CR1: variants seen among roughly 807,000 people sequenced by gnomAD.
CR1 encodes complement C3b/C4b receptor 1 (Knops blood group), also known as complement receptor type 1.
A neutral mutation model predicts 187.3 loss-of-function variants in CR1; 116 were observed. That is an observed-to-expected ratio of 0.62 (90% CI 0.53 to 0.72). The LOEUF (loss-of-function observed/expected upper bound fraction) is 0.72. Ranked by LOEUF, CR1 falls within the 30% of genes least tolerant of loss-of-function variation. CR1 has a pLI of 0.00. For missense variants in CR1, 1,731 were observed against 2,110.7 expected, an observed-to-expected ratio of 0.82 and a Z score of 3.52; for synonymous variants, 576 against 747.1, an observed-to-expected ratio of 0.77 and a Z score of 3.73.
At chr1:207,578,456 C>A (rs1416871708) in intron 29 of CR1, among the ~76,000 whole-genome samples, 1 of 152,184 alleles carries the variant, frequency 6.6e-6, no homozygotes. Flanking sequence ...ATTCTCAGGG[C>A]AAAGTACCAG....
At chr1:207,624,888 A>T (rs1007429988) in intron 45 of CR1, among the ~76,000 whole-genome samples, 1 of 152,170 alleles carries the variant, frequency 6.6e-6, no homozygotes. Flanking sequence ...TATCTATATC[A>T]GTCTCTAGTT....
chr1:207,618,870 G>A (rs1290690229), intron 42 of CR1, among the ~76,000 whole-genome samples: 4 of 150,748 alleles, frequency 2.7e-5, no homozygotes, highest in Non-Finnish European at 4.4e-5. Flanking sequence ...GTGAAACCCC[G>A]TTTCTACTAA....
chr1:207,576,645 A>C (rs1660754713), intron 28 of CR1, among the ~76,000 whole-genome samples: 1 of 151,688 alleles, frequency 6.6e-6, no homozygotes, highest in Non-Finnish European at 1.5e-5. Context: ...TGGTGAAATC[A>C]TGTCTCTACA....
intron 44 of CR1, among the ~76,000 whole-genome samples, chr1:207,622,541 A>G (rs529023657): frequency 1.3e-5 from 2 of 152,258 alleles, no homozygotes; most frequent in South Asian, 4.1e-4. Flanking sequence ...GTCCAAGACC[A>G]CAGAATGGGG....
chr1:207,567,811 G>A lies in CR1; in HGVS notation c.3953-13G>A, dbSNP rs564723543. Reference sequence around the variant, plus strand: ...CTCCTGAATGAAACTTAGAGCTTTTGTATGTTTTCTAGAAATCTTTTGTCC... The same window carrying A: ...CTCCTGAATGAAACTTAGAGCTTTTATATGTTTTCTAGAAATCTTTTGTCC... On this transcript the variant is annotated splice_polypyrimidine_tract_variant and intron_variant, in intron 24 of 46. Transcript: ENST00000367049. 6.2e-7 allele frequency: 1 copy of A among 1,610,920 alleles called. No individual in the cohort carries two copies. The highest frequency in any genetic ancestry group is 8.5e-7 in the Non-Finnish European group (1 of 1,179,636).
intron 40 of CR1, 66 bp downstream of exon 40, chr1:207,614,555 G>T (rs55812169): frequency 2.4e-6 from 3 of 1,257,332 alleles, no homozygotes; most frequent in East Asian, 5.0e-5. Context: ...ATGTTTTTCC[G>T]CATGGCATCA....
intron 33 of CR1, among the ~76,000 whole-genome samples, chr1:207,585,896 G>A (rs1364019460): frequency 6.6e-6 from 1 of 152,130 alleles, no homozygotes; most frequent in East Asian, 1.9e-4. Flanking sequence ...CCAGCACTTT[G>A]GAGGCCGAGG....
chr1:207,565,576 G>C (rs566644555), intron 23 of CR1, among the ~76,000 whole-genome samples: 1 of 150,232 alleles, frequency 6.7e-6, no homozygotes, highest in East Asian at 1.9e-4. Flanking sequence ...CTGGGTCCTG[G>C]GTCAAGGGGA....
At chr1:207,611,617 G>T in intron 37 of CR1, 60 bp from the exon 38 acceptor site, 1 of 1,597,920 alleles carries the variant, frequency 6.3e-7, no homozygotes. Context: ...GTAAGCATAA[G>T]ATATAACAAA....
intron 4 of CR1, among the ~76,000 whole-genome samples, chr1:207,520,986 T>C (rs1659973590): frequency 6.9e-6 from 1 of 145,060 alleles, no homozygotes; most frequent in Admixed American, 6.9e-5. Context: ...TTTTTTTTTT[T>C]TTTTTTTGAC....
intron 46 of CR1, among the ~76,000 whole-genome samples, chr1:207,637,941 A>G (rs913052215): frequency 1.3e-5 from 2 of 152,118 alleles, no homozygotes; most frequent in Admixed American, 1.3e-4. Context: ...CCCATGTCTT[A>G]TTTTTATTAT....
chr1:207,565,432 T>G (rs1660464371), intron 23 of CR1, among the ~76,000 whole-genome samples: 1 of 150,148 alleles, frequency 6.7e-6, no homozygotes, highest in Admixed American at 6.6e-5. Context: ...ACTTTTCCAC[T>G]CCAAACTGGG....
chr1:207,592,900 A>G (rs1321568426), intron 35 of CR1, among the ~76,000 whole-genome samples: 1 of 152,092 alleles, frequency 6.6e-6, no homozygotes, highest in African/African-American at 2.4e-5. Context: ...AGTGAAGGAC[A>G]TCTTCAAGGA....
chr1:207,579,626 C>T (rs1167844778), intron 29 of CR1, among the ~76,000 whole-genome samples: 2 of 152,220 alleles, frequency 1.3e-5, no homozygotes, highest in African/African-American at 4.8e-5. Context: ...TAACTCGCCC[C>T]TCAATCTGCA....
At position 207,618,121 on chromosome 1, in the gene CR1, G is replaced by T; in HGVS notation, c.6940G>T (p.Val2314Leu). The change falls in exon 42 of 47, where the codon GTA becomes TTA. Residue 2314 changes from valine to leucine, a missense_variant. This residue lies in a region of CR1 where 1,312 missense variants were observed against 1,379.6 expected (regional missense o/e 0.95). Transcript: ENST00000367049. Reference protein sequence around the residue: ...IQNGHYIGGHVSLYLPGMTIS... With the variant: ...IQNGHYIGGHLSLYLPGMTIS... ...AAACGGGCATTACATTGGAGGACAC[G>T]TATCTCTATATCTTCCTGGGATGAC... 1 of 1,613,896 alleles carries T rather than the reference G, an allele frequency of 6.2e-7. No individual in the cohort carries two copies. Among genetic ancestry groups the T allele is most frequent in the Non-Finnish European group, 8.5e-7 (1 of 1,179,836 alleles).
At chr1:207,612,548 C>A (rs1241991003) in intron 39 of CR1, among the ~76,000 whole-genome samples, 1 of 152,210 alleles carries the variant, frequency 6.6e-6, no homozygotes, top group Non-Finnish European at 1.5e-5. Context: ...CAGGATTTTT[C>A]TCAGCCACTT....
chr1:207,586,307 C>G (rs1661110318), intron 33 of CR1, among the ~76,000 whole-genome samples: 1 of 152,096 alleles, frequency 6.6e-6, no homozygotes, highest in Admixed American at 6.6e-5. Flanking sequence ...CCAGCTAATT[C>G]TTGTATTTTA....
In CR1 at chr1:207,566,004, A is replaced by G. The variant is rs549159817; in HGVS notation, c.3952+81A>G. The G allele has an allele frequency of 5.3e-5, 80 of 1,516,944 alleles. 1 individual carries two copies. The highest frequency in any genetic ancestry group is 3.5e-4 in the Middle Eastern group (2 of 5,786). The allele number at this position is 1,516,944 out of a possible 1,614,324, so 94.0% of individuals were successfully genotyped here. On this transcript the variant is annotated intron_variant, in intron 24 of 46. Transcript: ENST00000367049. ...TTGTCCTATGGCCTCCCTCAATGTG[A>G]TTCTTCAATATTCTAGTCTTAATTA...
At chr1:207,637,069 A>C (rs1415512004) in intron 46 of CR1, among the ~76,000 whole-genome samples, 1 of 152,234 alleles carries the variant, frequency 6.6e-6, no homozygotes, top group Non-Finnish European at 1.5e-5. Context: ...TTCTAGACCA[A>C]ATTCTAATGC....
Sources: gnomAD v4.1 joint callset for allele counts (sites outside exome capture counted in the v4.1 genomes callset) on GRCh38, gnomAD v4.1.1 for gene constraint, gnomAD v4.1.1 regional missense constraint, MANE v1.5 for transcripts, NCBI Gene and HGNC (gene_info 2026-07-23, HGNC 2026-07-21) for gene names.